KSR2: variants seen among roughly 807,000 people sequenced by gnomAD.
KSR2 encodes the protein kinase suppressor of ras 2.
A neutral mutation model predicts 107.8 loss-of-function variants in KSR2; 25 were observed. The ratio of observed to expected loss-of-function variants is 0.23; its 90% CI spans 0.17 to 0.32. KSR2 has a LOEUF of 0.32. KSR2 is among the 10% of genes least tolerant of loss of function. The probability of loss-of-function intolerance (pLI) is 1.00; values close to 1 mark genes in which losing one functional copy is unlikely to be tolerated. For synonymous variants in KSR2, 480 were observed against 507.0 expected, an observed-to-expected ratio of 0.95 and a Z score of 0.71; for missense variants, 887 against 1,268.9, an observed-to-expected ratio of 0.70 and a Z score of 4.57.
intron 4 of KSR2, among the ~76,000 whole-genome samples, chr12:117,715,902 C>G (rs1886960035): frequency 6.6e-6 from 1 of 152,230 alleles, no homozygotes; most frequent in Non-Finnish European, 1.5e-5. Context: ...CATTAAGTTC[C>G]TAGAACATGC....
intron 1 of KSR2, among the ~76,000 whole-genome samples, chr12:117,910,064 C>CA (rs1026373640): frequency 2.0e-5 from 3 of 151,528 alleles, no homozygotes; most frequent in African/African-American, 7.3e-5. Context: ...CCTGTCTCTG[C>CA]AAAAAAATAA....
At chr12:117,964,890 T>A (rs577330424) in intron 1 of KSR2, among the ~76,000 whole-genome samples, 1 of 152,332 alleles carries the variant, frequency 6.6e-6, no homozygotes, top group South Asian at 2.1e-4. Flanking sequence ...CTTCTGACTA[T>A]GTGCCATGGC....
At chr12:117,492,218 C>T (rs1037318354) in intron 14 of KSR2, among the ~76,000 whole-genome samples, 5 of 152,220 alleles carry the variant, frequency 3.3e-5, no homozygotes, top group Non-Finnish European at 7.3e-5. Context: ...TAAGATGGCA[C>T]TGTGGGTACA....
At chr12:117,624,718 A>G (rs878936139) in intron 5 of KSR2, among the ~76,000 whole-genome samples, 2 of 152,146 alleles carry the variant, frequency 1.3e-5, no homozygotes, top group Non-Finnish European at 2.9e-5. Flanking sequence ...GTTCCATATG[A>G]ACCTTAAAGT....
At chr12:117,709,074 C>T (rs1886648398) in intron 4 of KSR2, among the ~76,000 whole-genome samples, 1 of 152,072 alleles carries the variant, frequency 6.6e-6, no homozygotes, top group South Asian at 2.1e-4. Flanking sequence ...ATAATCTCCC[C>T]ATCACAAGAG....
At chr12:117,770,370 C>T (rs1889394038) in intron 3 of KSR2, among the ~76,000 whole-genome samples, 1 of 152,132 alleles carries the variant, frequency 6.6e-6, no homozygotes, top group African/African-American at 2.4e-5. Flanking sequence ...GATGGCCAGC[C>T]ACCCGCTGAA....
At chr12:117,692,456 AT>A (rs1885859294) in intron 4 of KSR2, among the ~76,000 whole-genome samples, 15 of 204 alleles carry the variant, frequency 0.074, 3 homozygotes, top group South Asian at 0.1. Context: ...ACTCATATAT[AT>A]ATATATATAT....
At chr12:117,661,290 G>A (rs1020969305) in intron 5 of KSR2, among the ~76,000 whole-genome samples, 1 of 152,106 alleles carries the variant, frequency 6.6e-6, no homozygotes, top group Admixed American at 6.5e-5. Context: ...TGCTCTAAAG[G>A]ATACTATTGG....
intron 1 of KSR2, among the ~76,000 whole-genome samples, chr12:117,908,563 C>T (rs1894922510): frequency 1.3e-5 from 2 of 152,294 alleles, no homozygotes; most frequent in South Asian, 4.1e-4. Flanking sequence ...GGGATCTGAA[C>T]AGAGAATCCA....
intron 5 of KSR2, among the ~76,000 whole-genome samples, chr12:117,606,318 C>T (rs992087123): frequency 7.2e-5 from 10 of 138,176 alleles, no homozygotes; most frequent in African/African-American, 1.1e-4. Flanking sequence ...CCTTCCTTCC[C>T]TACTTTCTTC....
intron 5 of KSR2, among the ~76,000 whole-genome samples, chr12:117,610,408 C>T (rs750974166): frequency 6.6e-6 from 1 of 152,042 alleles, no homozygotes; most frequent in African/African-American, 2.4e-5. Context: ...TAATAACACA[C>T]AGGGTGTATT....
chr12:117,905,206 A>C (rs140300954), intron 1 of KSR2, among the ~76,000 whole-genome samples: 12 of 152,158 alleles, frequency 7.9e-5, no homozygotes, highest in Non-Finnish European at 1.6e-4. Context: ...ATAACAAAAC[A>C]AAACAAAATA....
rs1892581729 is a variant in KSR2, at chr12:117,843,616, A to G, written c.472+11812T>C. 2.0e-5 allele frequency among the ~76,000 whole-genome samples: 3 copies of G among 152,234 alleles called. No individual in the cohort carries two copies. In the South Asian group the frequency reaches 6.2e-4, roughly 31 times the overall value. ...TGAAGAGTAACATGGGTTGAAGGCA[A>G]TGGGGAACAGAGGCTGGGGTGCTGG... On this transcript the variant is annotated intron_variant, in intron 3 of 19. Transcript: ENST00000339824.
intron 11 of KSR2, among the ~76,000 whole-genome samples, 185 bp from the exon 12 acceptor site, chr12:117,531,198 G>C (rs1875608505): frequency 6.6e-6 from 1 of 152,158 alleles, no homozygotes; most frequent in Non-Finnish European, 1.5e-5. Flanking sequence ...CAGGGTTCTG[G>C]ATGACATCCT....
intron 5 of KSR2, among the ~76,000 whole-genome samples, chr12:117,591,391 C>T (rs531271297): frequency 3.3e-5 from 5 of 152,192 alleles, no homozygotes; most frequent in Admixed American, 2.6e-4. Context: ...GGAAGAAATG[C>T]CCCTGCATCT....
intron 3 of KSR2, among the ~76,000 whole-genome samples, chr12:117,845,059 T>G (rs1485581241): frequency 4.6e-5 from 7 of 152,094 alleles, no homozygotes; most frequent in Non-Finnish European, 1.0e-4. Flanking sequence ...GGCAGGAGAA[T>G]GGCATGAACC....
intron 5 of KSR2, among the ~76,000 whole-genome samples, chr12:117,626,885 G>T (rs1882548365): frequency 1.3e-5 from 2 of 152,134 alleles, no homozygotes; most frequent in Non-Finnish European, 2.9e-5. Context: ...GAATCTAGGT[G>T]CTCCTGTATT....
At chr12:117,848,423 G>A (rs1019599027) in intron 3 of KSR2, among the ~76,000 whole-genome samples, 1 of 152,240 alleles carries the variant, frequency 6.6e-6, no homozygotes, top group African/African-American at 2.4e-5. Context: ...TTCACCCTAG[G>A]ACCTCAGCTC....
intron 3 of KSR2, among the ~76,000 whole-genome samples, chr12:117,806,217 T>A (rs1891001750): frequency 6.6e-6 from 1 of 152,204 alleles, no homozygotes; most frequent in Non-Finnish European, 1.5e-5. Context: ...GCACTTGCCC[T>A]GGCCCGGGGC....
Sources: gnomAD v4.1 joint callset for allele counts (sites outside exome capture counted in the v4.1 genomes callset) on GRCh38, gnomAD v4.1.1 for gene constraint, MANE v1.5 for transcripts, NCBI Gene and HGNC (gene_info 2026-07-23, HGNC 2026-07-21) for gene names.